TMEM40: variants seen among roughly 807,000 people sequenced by gnomAD.
The protein encoded by TMEM40 is transmembrane protein 40.
A neutral mutation model predicts 40.8 loss-of-function variants in TMEM40; 34 were observed. The ratio of observed to expected loss-of-function variants is 0.83; its 90% confidence interval spans 0.63 to 1.11. The LOEUF (loss-of-function observed/expected upper bound fraction) is 1.11. Among genes scored for constraint, TMEM40 ranks in the 50% least tolerant of loss-of-function variants. The pLI, the probability that TMEM40 is intolerant of heterozygous loss-of-function variation, is 0.00. For missense variants in TMEM40, 296 were observed against 280.2 expected (o/e 1.06, Z -0.40); for synonymous variants, 106 against 107.0 (o/e 0.99, Z 0.06).
intron 2 of TMEM40, 53 bp downstream of exon 2, chr3:12,749,707 G>A (rs2061457989): frequency 6.5e-7 from 1 of 1,543,136 alleles, no homozygotes. Context: ...TTCTACTTTT[G>A]GACTCCACCT....
chr3:12,768,349 G>A (rs1047611220), intron 1 of TMEM40, among the ~76,000 whole-genome samples: 1 of 150,002 alleles, frequency 6.7e-6, no homozygotes, highest in Non-Finnish European at 1.5e-5. Flanking sequence ...TACCACTGCT[G>A]GCTGGGGCAG....
intron 1 of TMEM40, among the ~76,000 whole-genome samples, chr3:12,765,118 A>C (rs1238592508): frequency 6.6e-6 from 1 of 152,092 alleles, no homozygotes; most frequent in Non-Finnish European, 1.5e-5. Context: ...TGGCCTCCTA[A>C]AGTGCTGGGA....
intron 1 of TMEM40, among the ~76,000 whole-genome samples, chr3:12,768,978 A>G (rs2061608979): frequency 6.7e-6 from 1 of 149,666 alleles, no homozygotes; most frequent in South Asian, 2.1e-4. Flanking sequence ...GGCGAGGCAC[A>G]GGCAAGGCGC....
At chr3:12,747,448 G>C (rs981917891) in intron 3 of TMEM40, among the ~76,000 whole-genome samples, 3 of 152,176 alleles carry the variant, frequency 2.0e-5, no homozygotes, top group African/African-American at 7.2e-5. Flanking sequence ...TGTGAGAATT[G>C]AGTTATTACA....
At position 12,749,760 on chromosome 3, in the gene TMEM40, A is replaced by G; in HGVS notation, c.73T>C (p.Tyr25His). The change falls in exon 2 of 12, where the codon TAT (tyrosine) becomes CAT (histidine). Residue 25 changes from tyrosine to histidine, a missense_variant and splice_region_variant. Transcript: ENST00000314124. Reference sequence around the variant, plus strand: ...AGAGGGTCAGAGAAGGCAAACGTACAGTCTACATCTTCTGTTTCTCTGTGG... The same window carrying G: ...AGAGGGTCAGAGAAGGCAAACGTACGGTCTACATCTTCTGTTTCTCTGTGG... ...QVHRETEDVD[Y>H]GETDFHKQDG... 1 of 1,613,666 alleles carries G rather than the reference A, an allele frequency of 6.2e-7. No individual in the cohort carries two copies. The highest frequency in any genetic ancestry group is 8.5e-7 in the Non-Finnish European group (1 of 1,179,914).
chr3:12,736,501 G>T, intron 10 of TMEM40, 77 bp downstream of exon 10: 3 of 1,483,512 alleles, frequency 2.0e-6, no homozygotes, highest in Non-Finnish European at 1.8e-6. Flanking sequence ...ATACTTGAAT[G>T]AGTATGAAAA....
intron 2 of TMEM40, 23 bp downstream of exon 2, chr3:12,749,737 A>G (rs1254788240): frequency 6.2e-7 from 1 of 1,609,836 alleles, no homozygotes; most frequent in Non-Finnish European, 8.5e-7. Flanking sequence ...TTTTGCCCAG[A>G]GGGTCAGAGA....
In TMEM40 at chr3:12,742,503, A is replaced by C. The variant is rs751437669; in HGVS notation, c.306T>G (p.Pro102=). 6.2e-7 allele frequency: 1 copy of C among 1,613,858 alleles called. No individual in the cohort carries two copies. The highest frequency in any genetic ancestry group is 1.3e-5 in the African/African-American group (1 of 74,910). Residue 102 remains proline, a synonymous_variant, in exon 5 of 12, where the codon CCT becomes CCG. Coordinates refer to ENST00000314124, the MANE Select transcript of TMEM40 (RefSeq NM_018306.4). ...TCAAAACGTCAGGCTCCCCATGCCC[A>C]GGACCTGGATGGAGACAAACCCCTT... ...GYPHGNGSPG[P]GHGEPDVLKD...
At chr3:12,736,321 TG>T (rs2061336946) in intron 10 of TMEM40, among the ~76,000 whole-genome samples, 1 of 152,080 alleles carries the variant, frequency 6.6e-6, no homozygotes, top group African/African-American at 2.4e-5. Context: ...GCTAATTTTT[TG>T]TATTTTTAGT....
chr3:12,753,525 C>T (rs1323539024), intron 1 of TMEM40, among the ~76,000 whole-genome samples: 1 of 151,968 alleles, frequency 6.6e-6, no homozygotes, highest in Non-Finnish European at 1.5e-5. Context: ...CACCCGGCCT[C>T]CACACAGGTC....
chr3:12,740,355 G>T (rs2061372096), intron 5 of TMEM40, among the ~76,000 whole-genome samples: 1 of 151,206 alleles, frequency 6.6e-6, no homozygotes, highest in Non-Finnish European at 1.5e-5. Context: ...CTCCCAAAGT[G>T]CTGGGATTAC....
chr3:12,769,006 C>T (rs1410773448), intron 1 of TMEM40, among the ~76,000 whole-genome samples: 2 of 151,656 alleles, frequency 1.3e-5, no homozygotes, highest in Non-Finnish European at 2.9e-5. Context: ...GTCCTGATCC[C>T]TGCCTCTCAG....
At chr3:12,761,270 G>A (rs1448679631), upstream of TMEM40, among the ~76,000 whole-genome samples, 2 of 152,202 alleles carry the variant, frequency 1.3e-5, no homozygotes, top group Non-Finnish European at 2.9e-5. Context: ...TGAGAGGGAT[G>A]GGGAGCCACC....
At chr3:12,766,141 T>C (rs1345713652) in intron 1 of TMEM40, among the ~76,000 whole-genome samples, 1 of 151,788 alleles carries the variant, frequency 6.6e-6, no homozygotes, top group Non-Finnish European at 1.5e-5. Context: ...ATTACAGGCA[T>C]GAGCCACTGT....
At chr3:12,737,411 A>C in intron 8 of TMEM40, 1 of 464,332 alleles carries the variant, frequency 2.2e-6, no homozygotes. Context: ...GAAGGTATTT[A>C]CCATCCTAGT....
intron 10 of TMEM40, among the ~76,000 whole-genome samples, 175 bp from the exon 11 acceptor site, chr3:12,735,792 G>A (rs1415561546): frequency 3.3e-5 from 5 of 152,306 alleles, no homozygotes; most frequent in Admixed American, 6.5e-5. Context: ...CAACAACCAC[G>A]AACAGCAGAA....
intron 5 of TMEM40, among the ~76,000 whole-genome samples, chr3:12,740,839 C>T (rs1282097206): frequency 6.6e-6 from 1 of 152,116 alleles, no homozygotes; most frequent in Admixed American, 6.6e-5. Context: ...GCCTGAGCAA[C>T]AGAGTGAGAC....
At chr3:12,750,442 GA>G (rs2061466281) in intron 1 of TMEM40, among the ~76,000 whole-genome samples, 1 of 152,126 alleles carries the variant, frequency 6.6e-6, no homozygotes, top group Non-Finnish European at 1.5e-5. Context: ...ACGTGCACAG[GA>G]AAGAAGTTTC....
intron 1 of TMEM40, among the ~76,000 whole-genome samples, chr3:12,754,313 AAACAAC>A (rs60803748): frequency 5.3e-5 from 8 of 151,852 alleles, no homozygotes; most frequent in Non-Finnish European, 1.0e-4. Flanking sequence ...TTCCGTCTCA[AAACAAC>A]AACAACAACA....
Sources: allele counts gnomAD v4.1 joint callset (sites outside exome capture counted in the v4.1 genomes callset), GRCh38; gene constraint gnomAD v4.1.1; transcripts MANE v1.5; gene names NCBI Gene and HGNC (gene_info 2026-07-23, HGNC 2026-07-21).